CDYL: variants seen among roughly 807,000 people sequenced by gnomAD.
CDYL encodes chromodomain Y-like protein.
In CDYL, 8 loss-of-function variants were observed where a neutral mutation model predicts 47.3. The observed-to-expected ratio is 0.17, with a 90% confidence interval of 0.10 to 0.31. CDYL has a LOEUF of 0.31. Among genes scored for constraint, CDYL ranks in the 10% least tolerant of loss-of-function variants. CDYL has a pLI of 1.00. For synonymous variants in CDYL, 266 were observed against 265.0 expected (o/e 1.00, Z -0.04); for missense variants, 471 against 701.4 (o/e 0.67, Z 3.71).
intron 2 of CDYL, among the ~76,000 whole-genome samples, chr6:4,732,820 A>T (rs896690329): frequency 1.3e-5 from 2 of 152,168 alleles, no homozygotes; most frequent in African/African-American, 4.8e-5. Flanking sequence ...GAAAGAAAAG[A>T]TAGCGGCCTG....
chr6:4,778,649 C>G (rs1460196620), intron 1 of CDYL, among the ~76,000 whole-genome samples: 1 of 152,006 alleles, frequency 6.6e-6, no homozygotes, highest in Non-Finnish European at 1.5e-5. Context: ...CACAATTGAA[C>G]TTTTGATTCT....
chr6:4,896,164 C>G (rs911199946), intron 2 of CDYL, among the ~76,000 whole-genome samples: 1 of 152,170 alleles, frequency 6.6e-6, no homozygotes, highest in African/African-American at 2.4e-5. Flanking sequence ...AATGACATCC[C>G]CTGCGGCCTT....
chr6:4,840,777 T>G (rs1328144238), intron 1 of CDYL, among the ~76,000 whole-genome samples: 1 of 152,196 alleles, frequency 6.6e-6, no homozygotes, highest in African/African-American at 2.4e-5. Context: ...TTTTGAAGTG[T>G]TGTTGGATTC....
rs764554620 is a variant in CDYL at position 4,734,761 on chromosome 6, G to A, written c.104-1G>A. ...GAAACTTTCTCATTATTCTGTGCTA[G>A]TGTCAGCACCAGATGGGCCTTCAGA... On this transcript the variant is annotated splice_acceptor_variant, in intron 2 of 8. Coordinates refer to the CDYL transcript ENST00000328908. LOFTEE classifies it high-confidence loss of function. 6.2e-7 allele frequency: 1 copy of A among 1,614,126 alleles called. No homozygotes were observed. The highest frequency in any genetic ancestry group is 2.2e-5 in the East Asian group (1 of 44,882).
At chr6:4,819,647 ATTTC>A (rs1340995934) in intron 1 of CDYL, among the ~76,000 whole-genome samples, 1 of 152,066 alleles carries the variant, frequency 6.6e-6, no homozygotes, top group Non-Finnish European at 1.5e-5. Flanking sequence ...ATCTCTGCTT[ATTTC>A]TTCTCTGATC....
chr6:4,725,279 G>A (rs569562955), intron 2 of CDYL, among the ~76,000 whole-genome samples: 2 of 152,360 alleles, frequency 1.3e-5, no homozygotes, highest in South Asian at 2.1e-4. Context: ...AGTGGATCCC[G>A]CACCGAGGGT....
intron 4 of CDYL, among the ~76,000 whole-genome samples, chr6:4,939,513 A>C (rs1169844280): frequency 1.3e-5 from 2 of 152,172 alleles, no homozygotes; most frequent in African/African-American, 2.4e-5. Flanking sequence ...GTTATCCCTT[A>C]ATCTTTTGAA....
chr6:4,768,320 C>G (rs1758287340), intron 3 of CDYL, among the ~76,000 whole-genome samples: 2 of 152,172 alleles, frequency 1.3e-5, no homozygotes, highest in Non-Finnish European at 2.9e-5. Flanking sequence ...AAAGAGGAAC[C>G]AAGGCTCCTT....
At chr6:4,895,778 A>T (rs937077724) in intron 2 of CDYL, among the ~76,000 whole-genome samples, 1 of 152,178 alleles carries the variant, frequency 6.6e-6, no homozygotes, top group African/African-American at 2.4e-5. Context: ...ACAATTCGCA[A>T]CAAGAACCTT....
chr6:4,769,967 G>T (rs1475269168), intron 3 of CDYL, among the ~76,000 whole-genome samples: 92 of 55,100 alleles, frequency 1.7e-3, no homozygotes, highest in Admixed American at 1.0e-3. Flanking sequence ...CGGCTAATTT[G>T]TGTGTGTGTG....
chr6:4,759,214 G>A lies in CDYL; in HGVS notation c.186+24370G>A, dbSNP rs561007410. Among the ~76,000 whole-genome samples the A allele has an allele frequency of 1.1e-3, 169 of 151,842 alleles. 1 individual carries two copies. The highest frequency in any genetic ancestry group is 3.7e-3 in the African/African-American group (155 of 41,440). On this transcript the variant is annotated intron_variant, in intron 3 of 8. Coordinates refer to the CDYL transcript ENST00000328908. ...TCGATCTCCTGACCTTGTGATCCAC[G>A]CGCCTCAGCCTCCCAAAGTGCTAGG...
intron 1 of CDYL, among the ~76,000 whole-genome samples, chr6:4,793,059 A>G (rs1758969218): frequency 6.6e-6 from 1 of 152,070 alleles, no homozygotes; most frequent in Non-Finnish European, 1.5e-5. Flanking sequence ...GCATGGCTTT[A>G]TGTAAGTCTT....
chr6:4,856,630 G>A (rs956585975), intron 1 of CDYL, among the ~76,000 whole-genome samples: 3 of 152,160 alleles, frequency 2.0e-5, no homozygotes, highest in African/African-American at 7.2e-5. Context: ...CGGGAAGAGC[G>A]AGAAATGCAT....
chr6:4,898,638 G>GGGTTCCTC (rs1762355452), intron 2 of CDYL, among the ~76,000 whole-genome samples: 1 of 152,130 alleles, frequency 6.6e-6, no homozygotes, highest in East Asian at 1.9e-4. Context: ...AGCAGCAGGT[G>GGGTTCCTC]GGTTCCTCAG....
chr6:4,856,219 G>A (rs913345553), intron 1 of CDYL, among the ~76,000 whole-genome samples: 1 of 152,232 alleles, frequency 6.6e-6, no homozygotes, highest in Non-Finnish European at 1.5e-5. Context: ...ATGTCAGACT[G>A]TGATAAATCA....
At chr6:4,826,004 A>G (rs1759972914) in intron 1 of CDYL, among the ~76,000 whole-genome samples, 1 of 152,248 alleles carries the variant, frequency 6.6e-6, no homozygotes, top group East Asian at 1.9e-4. Context: ...CCTCAGAGCC[A>G]CTTGAAGTGG....
In CDYL at chr6:4,829,753, C is replaced by T. The variant is rs777528030; in HGVS notation, c.24+52946C>T. On this transcript the variant is annotated intron_variant, in intron 1 of 6. Transcript: ENST00000397588. ...AAGGGCCCAAGTTCAGATGTCGTGC[C>T]GTGGTCTTCTAGATAGCCTTCAGTC... 3.9e-5 allele frequency among the ~76,000 whole-genome samples: 6 copies of T among 152,172 alleles called. No individual in the cohort carries two copies. In the South Asian group the frequency reaches 8.3e-4, roughly 21 times the overall value.
intron 2 of CDYL, among the ~76,000 whole-genome samples, chr6:4,730,577 G>A (rs1376351142): frequency 6.6e-6 from 1 of 150,868 alleles, no homozygotes; most frequent in Non-Finnish European, 1.5e-5. Flanking sequence ...AGGAGGCTGA[G>A]GCAGAAGAAT....
Position 4,941,847 on chromosome 6 carries a change from A to G in CDYL, c.1122-1699A>G, listed in dbSNP as rs1014766438. 3.3e-5 allele frequency among the ~76,000 whole-genome samples: 5 copies of G among 152,280 alleles called. No homozygotes were observed. In the East Asian group the frequency reaches 5.8e-4, roughly 18 times the overall value. On this transcript the variant is annotated intron_variant, in intron 4 of 6. Transcript: ENST00000397588. ...CCAGATGTCAGCCTGGGCAACGGCTATAACAGTTTGCCTTCTGTTCCATAA... is the reference window on the plus strand; with the variant it reads ...CCAGATGTCAGCCTGGGCAACGGCTGTAACAGTTTGCCTTCTGTTCCATAA...
Sources: allele counts gnomAD v4.1 joint callset (sites outside exome capture counted in the v4.1 genomes callset), GRCh38; gene constraint gnomAD v4.1.1; transcripts MANE v1.5; gene names NCBI Gene and HGNC (gene_info 2026-07-23, HGNC 2026-07-21).